The following APOOL variants were observed in gnomAD, a reference collection of about 807,000 sequenced individuals.
APOOL encodes MICOS complex subunit MIC27.
Under a neutral mutation model 23.1 loss-of-function variants are expected in APOOL, and 12 were observed. The observed-to-expected ratio is 0.52, with a 90% CI of 0.33 to 0.84. The LOEUF (loss-of-function observed/expected upper bound fraction) is 0.84, where lower values mean the gene tolerates loss of function less well. Ranked by LOEUF, APOOL falls within the 40% of genes least tolerant of loss-of-function variation. APOOL has a pLI of 0.02. For missense variants in APOOL, 212 were observed against 199.6 expected (o/e 1.06, Z -0.37); for synonymous variants, 77 against 69.9 (o/e 1.10, Z -0.51).
chrX:85,051,524 T>C lies in APOOL; in HGVS notation c.240+16T>C. 2 of 1,210,699 alleles carry C rather than the reference T, an allele frequency of 1.7e-6. No individual in the cohort carries two copies. Among genetic ancestry groups the C allele is most frequent in the East Asian group, 5.9e-5 (2 of 33,835 alleles). On this transcript the variant is annotated intron_variant, in intron 3 of 8. Transcript: ENST00000373173. ...CTGGTGCAAGGTAAGTCAATTCTGA[T>C]AGTGGTTTAATATCAGAGATTTCTG...
chrX:85,027,303 T>C (rs1467299294), intron 1 of APOOL, among the ~76,000 whole-genome samples: 1 of 111,422 alleles, frequency 9.0e-6, no homozygotes, highest in Non-Finnish European at 1.9e-5. Context: ...ATGAGGGATC[T>C]GCTGCCATGA....
chrX:85,056,846 G>T (rs1922984769), intron 5 of APOOL, among the ~76,000 whole-genome samples: 1 of 111,904 alleles, frequency 8.9e-6, no homozygotes, highest in Non-Finnish European at 1.9e-5. Flanking sequence ...CCAGGATACA[G>T]AACAGTTATA....
intron 1 of APOOL, among the ~76,000 whole-genome samples, chrX:85,032,408 G>A (rs1602750946): frequency 2.7e-5 from 3 of 110,949 alleles, no homozygotes; most frequent in South Asian, 7.6e-4. Context: ...CAGCTACCTG[G>A]GAGGCTGAGG....
intron 1 of APOOL, among the ~76,000 whole-genome samples, chrX:85,037,819 A>G (rs1460816354): frequency 9.0e-6 from 1 of 111,517 alleles, no homozygotes; most frequent in Non-Finnish European, 1.9e-5. Context: ...CCATATACAA[A>G]CGTCAACTCA....
Position 85,079,593 on chromosome X carries a change from T to C in APOOL, c.718+5202T>C, listed in dbSNP as rs1813742290. ...CTGCCAGGGTTTGGTATCAGGATGA[T>C]GCTGGCCTCAGAAAATGAGTTAGTG... On this transcript the variant is annotated intron_variant, in intron 8 of 8. Coordinates refer to ENST00000373173, the MANE Select transcript of APOOL (RefSeq NM_198450.6). Among the ~76,000 whole-genome samples, 3 of 111,968 alleles carry C rather than the reference T, an allele frequency of 2.7e-5. No homozygotes were observed. The South Asian group carries it at 1.1e-3, about 42-fold the overall frequency.
At chrX:85,060,866 C>T (rs183880645) in intron 5 of APOOL, among the ~76,000 whole-genome samples, 2,681 of 111,017 alleles carry the variant, frequency 0.024, 73 homozygotes, top group African/African-American at 0.082. Flanking sequence ...ATTGAATACC[C>T]TTTATTTCCT....
chrX:85,006,210 A>G (rs1160111637), intron 1 of APOOL, among the ~76,000 whole-genome samples: 2 of 111,886 alleles, frequency 1.8e-5, no homozygotes, highest in Admixed American at 1.9e-4. Flanking sequence ...TGGGGTTAAG[A>G]AAAGAATAAG....
intron 1 of APOOL, among the ~76,000 whole-genome samples, chrX:85,035,324 C>T (rs1206823821): frequency 6.3e-5 from 7 of 110,561 alleles, no homozygotes; most frequent in Admixed American, 3.9e-4. Flanking sequence ...TCTGCTTGTT[C>T]GATTGTCTAA....
At chrX:85,061,218 C>A (rs1171022593) in intron 5 of APOOL, among the ~76,000 whole-genome samples, 1 of 111,107 alleles carries the variant, frequency 9.0e-6, no homozygotes, top group African/African-American at 3.3e-5. Context: ...GCCTTGCATC[C>A]CAGGGATGAA....
chrX:85,028,731 T>A (rs1165131755), intron 1 of APOOL, among the ~76,000 whole-genome samples: 2 of 55,677 alleles, frequency 3.6e-5, no homozygotes, highest in African/African-American at 1.0e-4. Flanking sequence ...CTACTCCCTA[T>A]GTCCATGAAT....
chrX:85,088,316 GTTTTT>G lies in APOOL; in HGVS notation c.*663_*667del, dbSNP rs766497759. The G allele has an allele frequency of 2.2e-4, 5 of 22,528 alleles. No homozygotes were observed. Among genetic ancestry groups the G allele is most frequent in the Admixed American group, 7.4e-4 (1 of 1,359 alleles). The allele number at this position is 22,528 out of a possible 1,213,427, so 1.9% of individuals were successfully genotyped here. A position where few individuals can be genotyped will look rare whatever the true frequency, so the allele number is the denominator to read the frequency against. ...TGTATGGAAAGGTGTGTTTCCCTCTGTTTTTTTTTTTTTTTTTTTTTTTTTTTTTC... is the reference window on the plus strand; with the variant it reads ...TGTATGGAAAGGTGTGTTTCCCTCTGTTTTTTTTTTTTTTTTTTTTTTTTC... On this transcript the variant is annotated 3_prime_UTR_variant, in exon 9 of 9. Coordinates refer to ENST00000373173, the MANE Select transcript of APOOL (RefSeq NM_198450.6).
intron 3 of APOOL, 69 bp downstream of exon 3, chrX:85,051,577 T>C: frequency 8.7e-7 from 1 of 1,152,210 alleles, no homozygotes; most frequent in Non-Finnish European, 1.2e-6. Flanking sequence ...CCTACTGATG[T>C]GTAGAAAACT....
chrX:85,009,388 G>A (rs1400010073), intron 1 of APOOL, among the ~76,000 whole-genome samples: 1 of 111,528 alleles, frequency 9.0e-6, no homozygotes, highest in East Asian at 2.8e-4. Flanking sequence ...ATCATATATG[G>A]CTTTTATTAT....
chrX:85,005,305 C>T (rs187051178), intron 1 of APOOL, among the ~76,000 whole-genome samples: 1 of 104,692 alleles, frequency 9.6e-6, no homozygotes, highest in Middle Eastern at 5.0e-3. Flanking sequence ...CAACCATGCC[C>T]GGCTAAATTT....
At chrX:85,077,181 T>A (rs1453525943) in intron 8 of APOOL, among the ~76,000 whole-genome samples, 1 of 105,804 alleles carries the variant, frequency 9.5e-6, no homozygotes, top group African/African-American at 3.5e-5. Flanking sequence ...TAGGTATACA[T>A]GTGCCATTGT....
At chrX:85,016,021 C>T (rs1325318680) in intron 1 of APOOL, among the ~76,000 whole-genome samples, 1 of 110,696 alleles carries the variant, frequency 9.0e-6, no homozygotes, top group Non-Finnish European at 1.9e-5. Flanking sequence ...TGGGTGAGTT[C>T]ACTGTCTCCT....
chrX:85,016,721 T>C (rs1419163943), intron 1 of APOOL, among the ~76,000 whole-genome samples: 1 of 111,838 alleles, frequency 8.9e-6, no homozygotes, highest in African/African-American at 3.3e-5. Flanking sequence ...TGCCTGCCTG[T>C]TGGGGTATAG....
chrX:85,076,108 A>G (rs2147663169), intron 8 of APOOL, among the ~76,000 whole-genome samples: 1 of 110,571 alleles, frequency 9.0e-6, no homozygotes, highest in East Asian at 2.9e-4. Flanking sequence ...TACTGATCCC[A>G]TTCACAAAGG....
intron 2 of APOOL, among the ~76,000 whole-genome samples, chrX:85,049,710 C>A (rs1179693512): frequency 9.1e-6 from 1 of 110,332 alleles, no homozygotes; most frequent in Non-Finnish European, 1.9e-5. Context: ...TTGCTTGAGC[C>A]CGGGAGGTTG....
Sources: allele counts gnomAD v4.1 joint callset (sites outside exome capture counted in the v4.1 genomes callset), GRCh38; gene constraint gnomAD v4.1.1; transcripts MANE v1.5; gene names NCBI Gene and HGNC (gene_info 2026-07-23, HGNC 2026-07-21).